The following TIMP2 variants were observed in gnomAD, a reference collection of about 807,000 sequenced individuals.
TIMP2 encodes metalloproteinase inhibitor 2.
A neutral mutation model predicts 24.3 loss-of-function variants in TIMP2; 5 were observed. The ratio of observed to expected loss-of-function variants is 0.21; its 90% confidence interval spans 0.11 to 0.43. TIMP2 has a LOEUF of 0.43. Ranked by LOEUF, TIMP2 falls within the 20% of genes least tolerant of loss-of-function variation. The probability of loss-of-function intolerance (pLI) is 1.00; values close to 1 mark genes in which losing one functional copy is unlikely to be tolerated. For synonymous variants in TIMP2, 130 were observed against 123.2 expected (o/e 1.06, Z -0.37); for missense variants, 221 against 297.5 (o/e 0.74, Z 1.89).
intron 1 of TIMP2, among the ~76,000 whole-genome samples, chr17:78,908,917 G>A (rs1396657033): frequency 6.6e-6 from 1 of 152,170 alleles, no homozygotes; most frequent in Admixed American, 6.5e-5. Context: ...TGCCTGGGCT[G>A]GGCAGGCTGG....
At chr17:78,890,174 G>A (rs929813323) in intron 1 of TIMP2, among the ~76,000 whole-genome samples, 1 of 150,852 alleles carries the variant, frequency 6.6e-6, no homozygotes, top group African/African-American at 2.4e-5. Flanking sequence ...GAGGGAATGT[G>A]CCCTGGAGGA....
At chr17:78,856,245 C>T (rs1251751237) in intron 4 of TIMP2, 2 of 228,430 alleles carry the variant, frequency 8.8e-6, no homozygotes, top group African/African-American at 2.2e-5. Flanking sequence ...AGCCGAGCCC[C>T]GAGGTCATCG....
intron 1 of TIMP2, among the ~76,000 whole-genome samples, chr17:78,905,549 G>A (rs916090694): frequency 1.3e-5 from 2 of 152,248 alleles, no homozygotes; most frequent in Admixed American, 1.3e-4. Context: ...GTTCTAGTGA[G>A]GAGGAAATAG....
intron 3 of TIMP2, among the ~76,000 whole-genome samples, chr17:78,858,975 C>T (rs920086594): frequency 3.9e-5 from 6 of 152,150 alleles, no homozygotes; most frequent in African/African-American, 1.4e-4. Context: ...CCACTGCGCC[C>T]GGCCAATATT....
intron 1 of TIMP2, among the ~76,000 whole-genome samples, chr17:78,893,189 G>A (rs1039685919): frequency 1.3e-5 from 2 of 148,358 alleles, no homozygotes; most frequent in African/African-American, 5.1e-5. Flanking sequence ...GTGTGCAGGG[G>A]TGTGTGCAAG....
intron 1 of TIMP2, among the ~76,000 whole-genome samples, chr17:78,882,004 G>A (rs1275502599): frequency 9.2e-5 from 14 of 152,028 alleles, no homozygotes; most frequent in Non-Finnish European, 1.6e-4. Context: ...CGCTCTTGTC[G>A]CCCAGGCTGG....
At chr17:78,875,023 G>A (rs1239604637) in intron 1 of TIMP2, among the ~76,000 whole-genome samples, 2 of 152,172 alleles carry the variant, frequency 1.3e-5, no homozygotes, top group African/African-American at 4.8e-5. Context: ...TTATAGGCAT[G>A]AGCTACAGTG....
intron 1 of TIMP2, among the ~76,000 whole-genome samples, chr17:78,882,909 G>A (rs1001168541): frequency 1.3e-5 from 2 of 152,282 alleles, no homozygotes; most frequent in African/African-American, 2.4e-5. Flanking sequence ...GGCAGTCAGA[G>A]GGTCTCCCCC....
intron 1 of TIMP2, among the ~76,000 whole-genome samples, chr17:78,892,865 G>A (rs189317485): frequency 4.6e-5 from 7 of 152,310 alleles, no homozygotes; most frequent in South Asian, 2.1e-4. Flanking sequence ...CAGTAGTGCC[G>A]AGACTGACAA....
At chr17:78,888,938 A>G (rs1484257044) in intron 1 of TIMP2, among the ~76,000 whole-genome samples, 2 of 152,210 alleles carry the variant, frequency 1.3e-5, no homozygotes, top group African/African-American at 2.4e-5. Context: ...ATCTAAGTCA[A>G]TGTATCTGAG....
chr17:78,874,341 A>AC (rs2069711017), intron 1 of TIMP2, among the ~76,000 whole-genome samples: 2 of 151,868 alleles, frequency 1.3e-5, no homozygotes, highest in African/African-American at 4.8e-5. Flanking sequence ...GCAAGCAGGT[A>AC]CCCCATGGAA....
In TIMP2 at chr17:78,924,082, G is replaced by C. The variant is rs1383393105; in HGVS notation, c.130+877C>G. Among the ~76,000 whole-genome samples the C allele has an allele frequency of 2.0e-5, 3 of 152,182 alleles. No individual in the cohort carries two copies. The highest frequency in any genetic ancestry group is 2.9e-5 in the Non-Finnish European group (2 of 68,024). ...GGTGCAGGACCAGGGTGGAAACTTC[G>C]AGCCAGCGGGTTCCTCCCATTTCTG... On this transcript the variant is annotated intron_variant, in intron 1 of 4. Transcript: ENST00000262768. This position sits in a 1 kb window ranked among gnomAD's most constrained non-coding sequence, Gnocchi z 5.3.
intron 3 of TIMP2, among the ~76,000 whole-genome samples, chr17:78,866,875 G>A (rs1033228928): frequency 2.6e-5 from 4 of 152,132 alleles, no homozygotes. Flanking sequence ...GGCTGGGGGA[G>A]GGGGAGGGGA....
At chr17:78,860,040 G>A (rs1357169180) in intron 3 of TIMP2, among the ~76,000 whole-genome samples, 1 of 151,964 alleles carries the variant, frequency 6.6e-6, no homozygotes, top group Non-Finnish European at 1.5e-5. Context: ...GCCGGGTGTG[G>A]TGGCGGGTGC....
rs1218290544 is a variant in TIMP2 at position 78,854,745 on chromosome 17, A to T, written c.*922T>A. 1 of 152,070 alleles carries T rather than the reference A, an allele frequency of 6.6e-6. No homozygotes were observed. Among genetic ancestry groups the T allele is most frequent in the Non-Finnish European group, 1.5e-5 (1 of 68,040 alleles). The allele number at this position is 152,070 out of a possible 1,614,324, so 9.4% of individuals were successfully genotyped here. On this transcript the variant is annotated 3_prime_UTR_variant, in exon 5 of 5. Transcript: ENST00000262768. ...GGAGCCCAGCCGGGCCCTGCACACA[A>T]GCCCGGATAAAGCAAAGCTGTGCAA...
chr17:78,903,352 G>A (rs939563021), intron 1 of TIMP2: 1 of 152,468 alleles, frequency 6.6e-6, no homozygotes, highest in African/African-American at 2.4e-5. Flanking sequence ...GGGAGCCATG[G>A]GGGCACCTGA....
intron 1 of TIMP2, chr17:78,902,011 T>G: frequency 1.8e-6 from 1 of 570,490 alleles, no homozygotes; most frequent in African/African-American, 1.9e-5. Flanking sequence ...CCTCTAAAAA[T>G]ACCCTCCATG....
At chr17:78,867,150 A>G (rs1438031077) in intron 3 of TIMP2, among the ~76,000 whole-genome samples, 1 of 152,188 alleles carries the variant, frequency 6.6e-6, no homozygotes, top group African/African-American at 2.4e-5. Flanking sequence ...AATCCCAGCT[A>G]CTTGGGTGGC....
At chr17:78,884,578 C>T (rs543839678) in intron 1 of TIMP2, among the ~76,000 whole-genome samples, 2 of 152,274 alleles carry the variant, frequency 1.3e-5, no homozygotes, top group African/African-American at 4.8e-5. Flanking sequence ...TCCCTTCCTC[C>T]TCAGCACAGC....
Sources: gnomAD v4.1 joint callset for allele counts (sites outside exome capture counted in the v4.1 genomes callset) on GRCh38, gnomAD v4.1.1 for gene constraint, Gnocchi (gnomAD v3.1) non-coding constraint, MANE v1.5 for transcripts, NCBI Gene and HGNC (gene_info 2026-07-23, HGNC 2026-07-21) for gene names.